ZNF367: variants seen among roughly 807,000 people sequenced by gnomAD.
The protein encoded by ZNF367 is zinc finger protein 367.
Under a neutral mutation model 31.8 loss-of-function variants are expected in ZNF367, and 11 were observed. That is an observed-to-expected ratio of 0.35 (90% confidence interval 0.22 to 0.57). The LOEUF is 0.57. ZNF367 is among the 20% of genes least tolerant of loss of function. The pLI is 0.85. For missense variants in ZNF367, 353 were observed against 484.1 expected, an observed-to-expected ratio of 0.73 and a Z score of 2.54; for synonymous variants, 199 against 202.4, an observed-to-expected ratio of 0.98 and a Z score of 0.14.
intron 1 of ZNF367, among the ~76,000 whole-genome samples, chr9:96,405,581 A>G (rs1335856104): frequency 6.6e-6 from 1 of 152,192 alleles, no homozygotes; most frequent in Non-Finnish European, 1.5e-5. Flanking sequence ...ACATATACAT[A>G]CACAATGGAA....
intron 3 of ZNF367, among the ~76,000 whole-genome samples, chr9:96,393,894 G>A (rs1194779332): frequency 6.6e-6 from 1 of 152,164 alleles, no homozygotes; most frequent in Non-Finnish European, 1.5e-5. Flanking sequence ...ATAGGCTTAA[G>A]CAAACTTGCT....
chr9:96,406,581 T>G (rs1452328929), intron 1 of ZNF367, among the ~76,000 whole-genome samples: 1 of 152,222 alleles, frequency 6.6e-6, no homozygotes, highest in Non-Finnish European at 1.5e-5. Flanking sequence ...TTTACCTATT[T>G]TTCCTTTAGT....
chr9:96,412,234 T>C (rs1831760251), intron 1 of ZNF367, among the ~76,000 whole-genome samples: 1 of 152,202 alleles, frequency 6.6e-6, no homozygotes, highest in Non-Finnish European at 1.5e-5. Flanking sequence ...GGACAGATCT[T>C]GTCAAGACTG....
chr9:96,396,969 G>A (rs1831539278), intron 2 of ZNF367, among the ~76,000 whole-genome samples: 1 of 152,050 alleles, frequency 6.6e-6, no homozygotes, highest in Non-Finnish European at 1.5e-5. Flanking sequence ...ACCCAGCCAT[G>A]AAATTAATTT....
At chr9:96,402,050 G>A (rs1831610900) in intron 1 of ZNF367, among the ~76,000 whole-genome samples, 1 of 151,260 alleles carries the variant, frequency 6.6e-6, no homozygotes, top group African/African-American at 2.4e-5. Context: ...GAGGTCAAGA[G>A]ATCAAGACCA....
chr9:96,416,287 C>T (rs1430355325), intron 1 of ZNF367, among the ~76,000 whole-genome samples: 7 of 151,868 alleles, frequency 4.6e-5, no homozygotes, highest in Admixed American at 4.6e-4. Flanking sequence ...GGGGTTTCAC[C>T]GTGTTAGCCA....
At chr9:96,393,837 A>T (rs67837107) in intron 3 of ZNF367, among the ~76,000 whole-genome samples, 4,232 of 152,354 alleles carry the variant, frequency 0.028, 75 homozygotes, top group Middle Eastern at 0.058. Context: ...GTCTCAAAAA[A>T]TAAATAAACA....
chr9:96,408,371 G>C (rs1363965659), intron 1 of ZNF367, among the ~76,000 whole-genome samples: 3 of 152,216 alleles, frequency 2.0e-5, no homozygotes, highest in African/African-American at 7.2e-5. Flanking sequence ...CTGATGAATG[G>C]ATAAATAGTG....
chr9:96,402,232 G>A (rs112045782), intron 1 of ZNF367, among the ~76,000 whole-genome samples: 2,127 of 152,148 alleles, frequency 0.014, 47 homozygotes, highest in African/African-American at 0.048. Context: ...CTCCAGCCTG[G>A]CAACGGAGCT....
At position 96,398,317 on chromosome 9, in the gene ZNF367, G is replaced by A. The variant is rs1184837555; in HGVS notation, c.421-3C>T. The stretch of plus-strand genomic sequence containing the variant: ...GGCCTACCACGTCGGATTCCATCCT[G>A]TTGATAATTTTTATAAACATTAATA... On this transcript the variant is annotated splice_polypyrimidine_tract_variant and splice_region_variant and intron_variant, in intron 1 of 4. Coordinates refer to ENST00000375256, the MANE Select transcript of ZNF367 (RefSeq NM_153695.4). 2 of 1,595,038 alleles carry A rather than the reference G, an allele frequency of 1.3e-6. No homozygotes were observed. The highest frequency in any genetic ancestry group is 1.7e-6 in the Non-Finnish European group (2 of 1,173,524).
chr9:96,416,376 G>A (rs1033338130), intron 1 of ZNF367, among the ~76,000 whole-genome samples: 2 of 152,128 alleles, frequency 1.3e-5, no homozygotes, highest in African/African-American at 4.8e-5. Flanking sequence ...GTGAGCCACC[G>A]CACCCGGCCC....
At position 96,392,416 on chromosome 9, in the gene ZNF367, G is replaced by A. The variant is rs146858237; in HGVS notation, c.812C>T (p.Ala271Val). ...TCCTGACCTCGCCAGCCACTCGGCCGCGGCCTTGTTGTCGGCAGCCTGATG... is the reference window on the plus strand; with the variant it reads ...TCCTGACCTCGCCAGCCACTCGGCCACGGCCTTGTTGTCGGCAGCCTGATG... ...SKHQAADNKAAAEWLARYWEM... is the reference protein window; with the variant it reads ...SKHQAADNKAVAEWLARYWEM... The change falls in exon 4 of 5, where the codon GCG becomes GTG. Residue 271 changes from alanine (A) to valine (V), a missense_variant. Coordinates refer to ENST00000375256, the MANE Select transcript of ZNF367 (RefSeq NM_153695.4). 77 of 1,614,200 alleles carry A rather than the reference G, an allele frequency of 4.8e-5. No individual in the cohort carries two copies. In the African/African-American group the frequency reaches 5.5e-4, roughly 11 times the overall value.
intron 1 of ZNF367, among the ~76,000 whole-genome samples, chr9:96,416,714 TAC>T (rs1005480300): frequency 6.6e-6 from 1 of 152,214 alleles, no homozygotes; most frequent in Non-Finnish European, 1.5e-5. Context: ...ATTCATTCAT[TAC>T]ACAAATATTT....
chr9:96,393,402 T>C (rs901912800), intron 3 of ZNF367, among the ~76,000 whole-genome samples: 4 of 151,904 alleles, frequency 2.6e-5, no homozygotes, highest in African/African-American at 9.7e-5. Context: ...AAGCCTGTAA[T>C]TCCAGCTACT....
intron 1 of ZNF367, among the ~76,000 whole-genome samples, chr9:96,407,061 T>G (rs561818354): frequency 6.7e-6 from 1 of 149,706 alleles, no homozygotes; most frequent in East Asian, 2.0e-4. Flanking sequence ...GGCTCACATC[T>G]GTAATCCTAG....
At chr9:96,398,092 A>G (rs1831556375) in intron 2 of ZNF367, 72 bp downstream of exon 2, 3 of 51,294 alleles carry the variant, frequency 5.8e-5, no homozygotes, top group Non-Finnish European at 6.8e-5. Context: ...TATCTCAAAA[A>G]AAAAAAAAAA....
intron 1 of ZNF367, among the ~76,000 whole-genome samples, chr9:96,416,085 T>G: frequency 7.2e-6 from 1 of 138,322 alleles, no homozygotes; most frequent in African/African-American, 2.9e-5. Flanking sequence ...TTTTTTTTTG[T>G]TGTTTTTTTT....
chr9:96,392,860 G>A (rs1019452104), intron 3 of ZNF367, among the ~76,000 whole-genome samples: 1 of 152,168 alleles, frequency 6.6e-6, no homozygotes, highest in African/African-American at 2.4e-5. Context: ...CGAGGCAGGC[G>A]AATCACTTGA....
At chr9:96,404,679 A>G (rs1831649961) in intron 1 of ZNF367, among the ~76,000 whole-genome samples, 1 of 152,122 alleles carries the variant, frequency 6.6e-6, no homozygotes, top group Non-Finnish European at 1.5e-5. Flanking sequence ...AAAAACAGGG[A>G]TGACTCTTCT....
Sources: gnomAD v4.1 joint callset for allele counts (sites outside exome capture counted in the v4.1 genomes callset) on GRCh38, gnomAD v4.1.1 for gene constraint, MANE v1.5 for transcripts, NCBI Gene and HGNC (gene_info 2026-07-23, HGNC 2026-07-21) for gene names.